SGTA: variants seen among roughly 807,000 people sequenced by gnomAD.
SGTA encodes small glutamine rich tetratricopeptide repeat co-chaperone alpha, also known as small glutamine-rich tetratricopeptide repeat-containing protein alpha.
A neutral mutation model predicts 44.3 loss-of-function variants in SGTA; 22 were observed. The ratio of observed to expected loss-of-function variants is 0.50; its 90% CI spans 0.36 to 0.71. The LOEUF (loss-of-function observed/expected upper bound fraction) is 0.71, where lower values mean the gene tolerates loss of function less well. Among genes scored for constraint, SGTA ranks in the 30% least tolerant of loss-of-function variants. The probability of loss-of-function intolerance (pLI) is 0.00; values close to 1 mark genes in which losing one functional copy is unlikely to be tolerated. For synonymous variants in SGTA, 174 were observed against 177.6 expected (o/e 0.98, Z 0.16); for missense variants, 341 against 435.9 (o/e 0.78, Z 1.94).
intron 1 of SGTA, chr19:2,778,131 C>G (rs12610096): frequency 6.6e-6 from 1 of 151,854 alleles, no homozygotes; most frequent in Admixed American, 6.6e-5. Flanking sequence ...AGGTGGCACA[C>G]GCAAGATCCT....
chr19:2,777,659 GA>G (rs1915472872), intron 1 of SGTA: 1 of 152,190 alleles, frequency 6.6e-6, no homozygotes, highest in Admixed American at 6.5e-5. Context: ...GGTTTCATTG[GA>G]AATGATTCTG....
rs1307137320 is a variant in SGTA at position 2,778,013 on chromosome 19, T to A, written c.-24+5220A>T. On this transcript the variant is annotated intron_variant, in intron 1 of 11. Transcript: ENST00000221566. ...GTCTGGGTGACAAAGCAAGACGTCA[T>A]CTCAAAAAAAAAAAAAAAAAAAGAA... is the stretch of plus-strand genomic sequence containing the variant. The A allele has an allele frequency of 2.7e-5, 3 of 111,668 alleles. No homozygotes were observed. The East Asian group carries it at 9.8e-4, about 36-fold the overall frequency. The allele number at this position is 111,668 out of a possible 1,614,324, so 6.9% of individuals were successfully genotyped here. A position where few individuals can be genotyped will look rare whatever the true frequency, so the allele number is the denominator to read the frequency against.
At position 2,765,006 on chromosome 19, in the gene SGTA, A is replaced by G. The variant is rs1390625468; in HGVS notation, c.392+180T>C. 6.6e-6 allele frequency among the ~76,000 whole-genome samples: 1 copy of G among 152,052 alleles called. No individual in the cohort carries two copies. Among genetic ancestry groups the G allele is most frequent in the Non-Finnish European group, 1.5e-5 (1 of 68,002 alleles). On this transcript the variant is annotated intron_variant, in intron 5 of 11. Transcript: ENST00000221566. The surrounding 1 kb of genome is among the most constrained non-coding windows in gnomAD (Gnocchi z 5.5). ...GCGTGCTACCTGATTTTAAATCAGC[A>G]TCGACTCTCCCCGACCCCGTTGCTG...
intron 1 of SGTA, among the ~76,000 whole-genome samples, chr19:2,774,080 A>G (rs116785693): frequency 0.013 from 2,031 of 151,996 alleles, 44 homozygotes; most frequent in African/African-American, 0.046. Context: ...TTGATCATGG[A>G]CTTCCGGCCT....
At chr19:2,771,936 C>T (rs2144734902) in intron 1 of SGTA, among the ~76,000 whole-genome samples, 2 of 152,352 alleles carry the variant, frequency 1.3e-5, no homozygotes, top group Middle Eastern at 6.8e-3. Context: ...GCCGCCTTCC[C>T]TGGAATCCAC....
intron 1 of SGTA, among the ~76,000 whole-genome samples, chr19:2,778,979 C>T (rs1915508898): frequency 6.6e-6 from 1 of 152,078 alleles, no homozygotes; most frequent in Admixed American, 6.5e-5. Context: ...GCCTGTGGCA[C>T]TGTGGGCATC....
Position 2,765,154 on chromosome 19 carries a change from G to T in SGTA, c.392+32C>A. The stretch of plus-strand genomic sequence containing the variant: ...CCGGAGGACGCCCCCGCACCCGGCC[G>T]CCCCTGCCCTGGGCAGGCCCTGAGC... On this transcript the variant is annotated intron_variant, in intron 5 of 11. Transcript: ENST00000221566. This position sits in a 1 kb window ranked among gnomAD's most constrained non-coding sequence, Gnocchi z 5.5. The T allele has an allele frequency of 1.3e-6, 2 of 1,552,632 alleles. No individual in the cohort carries two copies. The highest frequency in any genetic ancestry group is 1.8e-6 in the Non-Finnish European group (2 of 1,124,590).
At chr19:2,759,534 C>T (rs953083594) in intron 8 of SGTA, 16 of 541,672 alleles carry the variant, frequency 3.0e-5, no homozygotes, top group South Asian at 1.1e-4. Flanking sequence ...GGAGCGATCT[C>T]GCAGCGCCAC....
chr19:2,757,002 G>T (rs991313736), intron 11 of SGTA, among the ~76,000 whole-genome samples: 16 of 152,286 alleles, frequency 1.1e-4, no homozygotes, highest in African/African-American at 3.6e-4. Flanking sequence ...GCTTCTGCAG[G>T]CGGCCTTAGG....
At chr19:2,780,579 T>A (rs1000261457) in intron 1 of SGTA, among the ~76,000 whole-genome samples, 3 of 152,140 alleles carry the variant, frequency 2.0e-5, no homozygotes, top group Non-Finnish European at 4.4e-5. Context: ...CAGGAGAGAA[T>A]CTAGTATTCC....
chr19:2,765,364 C>A lies in SGTA; in HGVS notation c.293-79G>T. On this transcript the variant is annotated intron_variant, in intron 4 of 11. Transcript: ENST00000221566. The surrounding 1 kb of genome is among the most constrained non-coding windows in gnomAD (Gnocchi z 5.5). ...GTCAGGGAGAGAGGAAAACACCGGC[C>A]TGGTGTCCACACAGACCCGAGGGGG... 2.8e-6 allele frequency: 3 copies of A among 1,071,370 alleles called. No individual in the cohort carries two copies. Among genetic ancestry groups the A allele is most frequent in the Non-Finnish European group, 4.2e-6 (3 of 711,882 alleles). The allele number at this position is 1,071,370 out of a possible 1,614,324, so 66.4% of individuals were successfully genotyped here. A position where few individuals can be genotyped will look rare whatever the true frequency, so the allele number is the denominator to read the frequency against.
Position 2,767,011 on chromosome 19 carries a change from G to A in SGTA, c.292+125C>T. On this transcript the variant is annotated intron_variant, in intron 4 of 11. Transcript: ENST00000221566. The surrounding 1 kb of genome is among the most constrained non-coding windows in gnomAD (Gnocchi z 7.3). ...CGTCCCCGTCCCCACAAGCCAGCGT[G>A]CTGGTCATCAGGGCAATTCCCTCAG... 4 of 742,646 alleles carry A rather than the reference G, an allele frequency of 5.4e-6. No individual in the cohort carries two copies. Among genetic ancestry groups the A allele is most frequent in the Non-Finnish European group, 9.6e-6 (4 of 415,614 alleles). 46.0% of individuals were successfully genotyped at this position (742,646 alleles called of 1,614,324 possible).
rs112124311 is a variant in SGTA at position 2,765,823 on chromosome 19, G to T, written c.293-538C>A. Among the ~76,000 whole-genome samples, 414 of 152,096 alleles carry T rather than the reference G, an allele frequency of 2.7e-3. 2 individuals carry two copies. The highest frequency in any genetic ancestry group is 8.5e-3 in the African/African-American group (354 of 41,462). ...AAGACAGAAACCCACTCCCGCCCCC[G>T]AGATCCCAATTCAGGAGGGCGTGGG... On this transcript the variant is annotated intron_variant, in intron 4 of 11. Transcript: ENST00000221566. The surrounding 1 kb of genome is among the most constrained non-coding windows in gnomAD (Gnocchi z 5.5).
chr19:2,765,081 C>T lies in SGTA; in HGVS notation c.392+105G>A. ...TGAGACCACCGGTGAATGGATCCCT[C>T]ATCTACAGCGCAGAGGCCTCTCCCA... On this transcript the variant is annotated intron_variant, in intron 5 of 11. Coordinates refer to ENST00000221566, the MANE Select transcript of SGTA (RefSeq NM_003021.4). The surrounding 1 kb of genome is among the most constrained non-coding windows in gnomAD (Gnocchi z 5.5). 1 of 758,502 alleles carries T rather than the reference C, an allele frequency of 1.3e-6. No individual in the cohort carries two copies. The highest frequency in any genetic ancestry group is 2.6e-5 in the East Asian group (1 of 38,394). The allele number at this position is 758,502 out of a possible 1,614,324, so 47.0% of individuals were successfully genotyped here.
intron 11 of SGTA, among the ~76,000 whole-genome samples, chr19:2,756,824 G>C (rs969822413): frequency 4.6e-5 from 7 of 152,144 alleles, no homozygotes; most frequent in Non-Finnish European, 8.8e-5. Context: ...TTAAACAACT[G>C]TAAGTGCAAC....
chr19:2,778,151 A>G (rs889083844), intron 1 of SGTA: 1 of 152,206 alleles, frequency 6.6e-6, no homozygotes, highest in Non-Finnish European at 1.5e-5. Flanking sequence ...TACCAGTGAC[A>G]GCTGGAACTC....
rs371573637 is a variant in SGTA at position 2,763,719 on chromosome 19, G to A, written c.431C>T (p.Ala144Val). 10 of 1,613,692 alleles carry A rather than the reference G, an allele frequency of 6.2e-6. No homozygotes were observed. Among genetic ancestry groups the A allele is most frequent in the Non-Finnish European group, 8.5e-6 (10 of 1,179,968 alleles). Reference sequence around the variant, plus strand: ...GATGGCCCGCTCACAGTCCTGCACCGCGCCTGCGTAGTTGCCGAGTTTGCT... The same window carrying A: ...GATGGCCCGCTCACAGTCCTGCACCACGCCTGCGTAGTTGCCGAGTTTGCT... Reference protein sequence around the residue: ...AYSKLGNYAGAVQDCERAICI... With the variant: ...AYSKLGNYAGVVQDCERAICI... Residue 144 changes from alanine (A) to valine (V), a missense_variant, in exon 6 of 12, where the codon GCG becomes GTG. Physicochemically the swap from Ala to Val is moderately conservative, Grantham distance 64. Coordinates refer to ENST00000221566, the MANE Select transcript of SGTA (RefSeq NM_003021.4). This position sits in a 1 kb window ranked among gnomAD's most constrained non-coding sequence, Gnocchi z 5.8.
intron 9 of SGTA, among the ~76,000 whole-genome samples, chr19:2,758,809 A>T (rs1374787783): frequency 6.6e-6 from 1 of 152,220 alleles, no homozygotes; most frequent in Admixed American, 6.5e-5. Flanking sequence ...CATGAAAAGG[A>T]GCGAGGCCCT....
In SGTA at chr19:2,763,780, G is replaced by A; in HGVS notation, c.393-23C>T. On this transcript the variant is annotated intron_variant, in intron 5 of 11. Transcript: ENST00000221566. The surrounding 1 kb of genome is among the most constrained non-coding windows in gnomAD (Gnocchi z 5.8). ...GCTCTGGGGAAGAAAAGGCAGGGCA[G>A]GTCCCTCACTGGCGGCTCTGAGCCC... The A allele has an allele frequency of 6.2e-7, 1 of 1,602,544 alleles. No individual in the cohort carries two copies. The highest frequency in any genetic ancestry group is 2.2e-5 in the East Asian group (1 of 44,618).
Sources: allele counts gnomAD v4.1 joint callset (sites outside exome capture counted in the v4.1 genomes callset), GRCh38; gene constraint gnomAD v4.1.1; non-coding constraint Gnocchi (gnomAD v3.1); transcripts MANE v1.5; gene names NCBI Gene and HGNC (gene_info 2026-07-23, HGNC 2026-07-21).